KDM4A: variants seen among roughly 807,000 people sequenced by gnomAD.
The protein encoded by KDM4A is lysine-specific demethylase 4A.
Under a neutral mutation model 127.1 loss-of-function variants are expected in KDM4A, and 23 were observed. The observed-to-expected ratio is 0.18, with a 90% CI of 0.13 to 0.26. The LOEUF (loss-of-function observed/expected upper bound fraction) is 0.26, where lower values mean the gene tolerates loss of function less well. KDM4A is among the 10% of genes least tolerant of loss of function. The pLI, the probability that KDM4A is intolerant of heterozygous loss-of-function variation, is 1.00. For missense variants in KDM4A, 890 were observed against 1,329.1 expected (o/e 0.67, Z 5.14); for synonymous variants, 443 against 466.5 (o/e 0.95, Z 0.65).
intron 11 of KDM4A, among the ~76,000 whole-genome samples, chr1:43,681,699 C>T (rs1199436749): frequency 1.3e-5 from 2 of 152,038 alleles, no homozygotes; most frequent in Non-Finnish European, 2.9e-5. Flanking sequence ...CCAGGTGCCC[C>T]CAAAGTGATG....
chr1:43,691,464 G>A, intron 14 of KDM4A, 32 bp from the exon 15 acceptor site: 1 of 1,575,748 alleles, frequency 6.3e-7, no homozygotes, highest in East Asian at 2.2e-5. Context: ...TGACCACTGG[G>A]TTTAATTTGC....
Position 43,688,871 on chromosome 1 carries a change from GTGCAGGGTTAGTGC to G in KDM4A, c.1856-40_1856-27del. ...CTGTTCTCCAGGCAGAGCCACAGATGTGCAGGGTTAGTGCTGACTCACACTTCTGTTTCCTCCTC... is the reference window on the plus strand; with the variant it reads ...CTGTTCTCCAGGCAGAGCCACAGATGTGACTCACACTTCTGTTTCCTCCTC... On this transcript the variant is annotated intron_variant, in intron 12 of 21. Transcript: ENST00000372396. The surrounding 1 kb of genome is among the most constrained non-coding windows in gnomAD (Gnocchi z 4.4). The G allele has an allele frequency of 6.4e-7, 1 of 1,573,446 alleles. No individual in the cohort carries two copies. The highest frequency in any genetic ancestry group is 8.7e-7 in the Non-Finnish European group (1 of 1,147,980).
chr1:43,700,484 C>T (rs1053122241), intron 19 of KDM4A, among the ~76,000 whole-genome samples: 6 of 152,002 alleles, frequency 3.9e-5, no homozygotes, highest in African/African-American at 1.5e-4. Flanking sequence ...CTGATATCCA[C>T]CAAAACTCAA....
intron 11 of KDM4A, among the ~76,000 whole-genome samples, 171 bp from the exon 12 acceptor site, chr1:43,683,513 G>T (rs1660903046): frequency 6.6e-6 from 1 of 152,176 alleles, no homozygotes; most frequent in Non-Finnish European, 1.5e-5. Context: ...GACTAGTTTG[G>T]TACGTGGTAT....
At chr1:43,667,190 G>A in intron 8 of KDM4A, 99 bp downstream of exon 8, 2 of 1,351,954 alleles carry the variant, frequency 1.5e-6, no homozygotes, top group South Asian at 2.6e-5. Flanking sequence ...TTGAGCTGCT[G>A]GAATTCAGAA....
intron 11 of KDM4A, among the ~76,000 whole-genome samples, chr1:43,682,047 C>T (rs1660871092): frequency 6.6e-6 from 1 of 152,196 alleles, no homozygotes. Context: ...CAGCTCACTG[C>T]AGCCTTGACC....
rs190511309 is a variant in KDM4A, at chr1:43,652,947, G to C, written c.-39-190G>C. Among the ~76,000 whole-genome samples the C allele has an allele frequency of 4.6e-3, 707 of 152,294 alleles. 2 individuals carry two copies. Among genetic ancestry groups the C allele is most frequent in the Non-Finnish European group, 7.7e-3 (522 of 68,026 alleles). ...GATGCACCCGCTTTGGCCTCCCAAA[G>C]TGCTGGGATTACAGGCGTGAGCCAC... On this transcript the variant is annotated intron_variant, in intron 1 of 21. Coordinates refer to ENST00000372396, the MANE Select transcript of KDM4A (RefSeq NM_014663.3).
chr1:43,689,014 G>A lies in KDM4A; in HGVS notation c.1956G>A (p.Glu652=), dbSNP rs1399424307. The change falls in exon 13 of 22, where the codon GAG becomes GAA. Residue 652 remains glutamate (E), a synonymous_variant. Coordinates refer to ENST00000372396, the MANE Select transcript of KDM4A (RefSeq NM_014663.3). ...GGCAGAACCGACCTCCAAACTTTGAGGCTGAGAAGGAATTCAATGAGACCA... is the reference window on the plus strand; with the variant it reads ...GGCAGAACCGACCTCCAAACTTTGAAGCTGAGAAGGAATTCAATGAGACCA... ...QLWQNRPPNF[E]AEKEFNETMA... is the part of the protein sequence containing the mutation. 6.2e-7 allele frequency: 1 copy of A among 1,614,248 alleles called. No homozygotes were observed. Among genetic ancestry groups the A allele is most frequent in the African/African-American group, 1.3e-5 (1 of 75,068 alleles).
intron 18 of KDM4A, 118 bp from the exon 19 acceptor site, chr1:43,697,725 A>T (rs1661273928): frequency 3.1e-6 from 3 of 980,932 alleles, no homozygotes; most frequent in Admixed American, 2.5e-5. Context: ...TCTCCTTTTT[A>T]CTTTTACTTT....
chr1:43,673,370 G>A (rs1228585630), intron 11 of KDM4A, among the ~76,000 whole-genome samples: 9 of 152,122 alleles, frequency 5.9e-5, no homozygotes, highest in East Asian at 5.8e-4. Flanking sequence ...ATACCATCAC[G>A]AGCCCCCGCG....
At chr1:43,692,181 A>C (rs1383655110) in intron 15 of KDM4A, 75 bp from the exon 16 acceptor site, 4 of 1,315,756 alleles carry the variant, frequency 3.0e-6, no homozygotes, top group Non-Finnish European at 4.4e-6. Context: ...TGCCCAAAGC[A>C]GGTCCAGGGG....
At position 43,697,981 on chromosome 1, in the gene KDM4A, T is replaced by C; in HGVS notation, c.2809T>C (p.Phe937Leu). 1 of 1,613,940 alleles carries C rather than the reference T, an allele frequency of 6.2e-7. No homozygotes were observed. The highest frequency in any genetic ancestry group is 1.1e-5 in the South Asian group (1 of 91,068). The part of the protein sequence containing the change: ...FYEVNFDDGS[F>L]SDNLYPEDIV... ...TGAAGTCAACTTTGATGATGGCTCC[T>C]TCAGCGACAATCTTTATCCTGAGGA... The change falls in exon 19 of 22, where the codon TTC (phenylalanine) becomes CTC (leucine). Residue 937 changes from phenylalanine to leucine, a missense_variant. Coordinates refer to ENST00000372396, the MANE Select transcript of KDM4A (RefSeq NM_014663.3).
intron 18 of KDM4A, among the ~76,000 whole-genome samples, chr1:43,696,121 C>T (rs1661233811): frequency 6.6e-6 from 1 of 152,040 alleles, no homozygotes; most frequent in African/African-American, 2.4e-5. Flanking sequence ...CTGGAGATTC[C>T]CAGTGGGAGA....
chr1:43,690,637 G>T, intron 13 of KDM4A: 1 of 607,166 alleles, frequency 1.6e-6, no homozygotes. Context: ...TGTCCCCTAG[G>T]GGCCTTTGTA....
rs1238999343 is a variant in KDM4A, at chr1:43,697,885, G to C, written c.2713G>C (p.Val905Leu). The stretch of plus-strand genomic sequence containing the variant: ...GCAAAGCATCACTGCAGGCCAGAAA[G>C]TCATTAGCAAGCATAAGAACGGGCG... Reference protein sequence around the residue: ...ALQSITAGQKVISKHKNGRFY... With the variant: ...ALQSITAGQKLISKHKNGRFY... Residue 905 changes from valine to leucine, a missense_variant, in exon 19 of 22, where the codon GTC (valine) becomes CTC (leucine). By Grantham distance (32) the Val-to-Leu change is conservative. Around this residue, in one of 7 missense-constraint regions of KDM4A, gnomAD observed 246 missense variants for 418.4 expected, o/e 0.59. Coordinates refer to ENST00000372396, the MANE Select transcript of KDM4A (RefSeq NM_014663.3). 6.2e-7 allele frequency: 1 copy of C among 1,613,924 alleles called. No homozygotes were observed. Among genetic ancestry groups the C allele is most frequent in the Admixed American group, 1.7e-5 (1 of 59,988 alleles).
intron 1 of KDM4A, among the ~76,000 whole-genome samples, chr1:43,652,882 C>G (rs1168108068): frequency 6.6e-6 from 1 of 151,860 alleles, no homozygotes; most frequent in Non-Finnish European, 1.5e-5. Context: ...CAGGGTTTCA[C>G]TGTGTTGGCC....
intron 19 of KDM4A, among the ~76,000 whole-genome samples, chr1:43,698,605 G>C (rs572804072): frequency 6.6e-6 from 1 of 152,264 alleles, no homozygotes; most frequent in African/African-American, 2.4e-5. Context: ...TGCCTTTTCA[G>C]TTGGTAGACT....
chr1:43,660,729 G>A (rs1166152783), intron 4 of KDM4A, among the ~76,000 whole-genome samples: 2 of 152,140 alleles, frequency 1.3e-5, no homozygotes, highest in Admixed American at 6.5e-5. Flanking sequence ...GAGGCAGTGT[G>A]GTTTCTGCAG....
intron 11 of KDM4A, among the ~76,000 whole-genome samples, chr1:43,673,599 T>C (rs992522899): frequency 2.0e-5 from 3 of 152,222 alleles, no homozygotes; most frequent in Non-Finnish European, 4.4e-5. Flanking sequence ...ACCTTGTGAA[T>C]GTTCCTCTTT....
Sources: gnomAD v4.1 joint callset for allele counts (sites outside exome capture counted in the v4.1 genomes callset) on GRCh38, gnomAD v4.1.1 for gene constraint, gnomAD v4.1.1 regional missense constraint, Gnocchi (gnomAD v3.1) non-coding constraint, MANE v1.5 for transcripts, NCBI Gene and HGNC (gene_info 2026-07-23, HGNC 2026-07-21) for gene names.